Variants in SNTG1 observed in about 807,000 individuals in gnomAD.
SNTG1 encodes the protein syntrophin gamma 1, also known as gamma-1-syntrophin.
In SNTG1, 39 loss-of-function variants were observed where a neutral mutation model predicts 74.7. The ratio of observed to expected loss-of-function variants is 0.52; its 90% CI spans 0.40 to 0.68. SNTG1 has a LOEUF of 0.68. Ranked by LOEUF, SNTG1 falls within the 30% of genes least tolerant of loss-of-function variation. The probability of loss-of-function intolerance (pLI) is 0.00; values close to 1 mark genes in which losing one functional copy is unlikely to be tolerated. For missense variants in SNTG1, 685 were observed against 609.5 expected (o/e 1.12, Z -1.30); for synonymous variants, 254 against 217.1 (o/e 1.17, Z -1.49).
At chr8:50,729,078 A>G (rs2095506837) in intron 17 of SNTG1, among the ~76,000 whole-genome samples, 1 of 152,162 alleles carries the variant, frequency 6.6e-6, no homozygotes, top group African/African-American at 2.4e-5. Flanking sequence ...AGGTCACCAT[A>G]GGGATTGTCC....
intron 17 of SNTG1, among the ~76,000 whole-genome samples, chr8:50,721,398 A>G (rs1445995925): frequency 6.6e-6 from 1 of 152,206 alleles, no homozygotes; most frequent in Non-Finnish European, 1.5e-5. Flanking sequence ...GCCTTACTCA[A>G]ATGAATAGCT....
intron 2 of SNTG1, among the ~76,000 whole-genome samples, chr8:50,197,732 T>G (rs2083831522): frequency 6.6e-6 from 1 of 152,192 alleles, no homozygotes; most frequent in African/African-American, 2.4e-5. Flanking sequence ...AGGTTTCTGA[T>G]GCATCTCGTT....
At chr8:50,777,491 G>T (rs1324661372) in intron 18 of SNTG1, among the ~76,000 whole-genome samples, 2 of 150,470 alleles carry the variant, frequency 1.3e-5, no homozygotes, top group African/African-American at 2.4e-5. Flanking sequence ...TCTTCCTAGG[G>T]TTTCTGTTTC....
At chr8:50,310,670 A>T (rs1316346158) in intron 2 of SNTG1, among the ~76,000 whole-genome samples, 5 of 152,206 alleles carry the variant, frequency 3.3e-5, no homozygotes, top group African/African-American at 1.2e-4. Context: ...CCTGGACAAC[A>T]AGAGTGAAAC....
intron 2 of SNTG1, among the ~76,000 whole-genome samples, chr8:50,215,937 T>A (rs979485697): frequency 7.2e-5 from 11 of 152,184 alleles, no homozygotes; most frequent in Non-Finnish European, 1.5e-4. Context: ...ATAGGCTTAT[T>A]TATGGTAAAA....
intron 1 of SNTG1, among the ~76,000 whole-genome samples, chr8:50,054,544 C>T (rs768546357): frequency 2.0e-5 from 3 of 152,064 alleles, no homozygotes; most frequent in Non-Finnish European, 2.9e-5. Context: ...ATTTTTCATA[C>T]TGTTGCCAAA....
chr8:50,254,950 T>A (rs1019085979), intron 2 of SNTG1, among the ~76,000 whole-genome samples: 127 of 35,190 alleles, frequency 3.6e-3, no homozygotes, highest in Middle Eastern at 0.012. Flanking sequence ...TATTGCCACT[T>A]TTTTTTTTTT....
Position 50,040,321 on chromosome 8 carries a change from T to A in SNTG1, c.-103+128090T>A, listed in dbSNP as rs191439644. Among the ~76,000 whole-genome samples the A allele has an allele frequency of 2.4e-4, 36 of 152,308 alleles. No individual in the cohort carries two copies. In the East Asian group the frequency reaches 6.2e-3, roughly 26 times the overall value. ...ATAAAAATTATATATGTAAAAAAAA[T>A]TTAGAAATAAATGAGACACAGACTT... On this transcript the variant is annotated intron_variant, in intron 1 of 18. Transcript: ENST00000642720.
intron 1 of SNTG1, among the ~76,000 whole-genome samples, chr8:50,070,964 T>C (rs891423259): frequency 8.5e-5 from 13 of 152,142 alleles, no homozygotes; most frequent in African/African-American, 2.9e-4. Flanking sequence ...AGCTGCATGG[T>C]TGTTATTCTT....
chr8:50,212,247 C>G (rs1184626789), intron 2 of SNTG1, among the ~76,000 whole-genome samples: 1 of 152,116 alleles, frequency 6.6e-6, no homozygotes, highest in Admixed American at 6.6e-5. Context: ...CTGGGCAACA[C>G]GTTTCTTTCC....
At chr8:50,177,557 CAG>C (rs1427534200) in intron 2 of SNTG1, among the ~76,000 whole-genome samples, 1 of 152,146 alleles carries the variant, frequency 6.6e-6, no homozygotes, top group Non-Finnish European at 1.5e-5. Context: ...CTGGTTTGCT[CAG>C]AGAGGCTGGT....
At chr8:50,435,776 T>TAATAATAAA (rs2093295534) in intron 4 of SNTG1, among the ~76,000 whole-genome samples, 1 of 152,218 alleles carries the variant, frequency 6.6e-6, no homozygotes, top group Non-Finnish European at 1.5e-5. Context: ...TAATAAAACA[T>TAATAATAAA]TAAGATAAGT....
intron 1 of SNTG1, among the ~76,000 whole-genome samples, chr8:49,962,817 T>C (rs935681532): frequency 1.3e-5 from 2 of 152,208 alleles, no homozygotes; most frequent in African/African-American, 4.8e-5. Context: ...GGTCTTGAAC[T>C]CTTGACCTCA....
At chr8:50,051,984 T>G (rs1819615755) in intron 1 of SNTG1, among the ~76,000 whole-genome samples, 1 of 152,030 alleles carries the variant, frequency 6.6e-6, no homozygotes. Flanking sequence ...TGTTTATACC[T>G]CCAAAACTGA....
chr8:50,435,127 C>T (rs905500237), intron 4 of SNTG1, among the ~76,000 whole-genome samples: 1 of 151,984 alleles, frequency 6.6e-6, no homozygotes, highest in Non-Finnish European at 1.5e-5. Context: ...GTATTTAATA[C>T]AAGGCTTTTT....
intron 12 of SNTG1, among the ~76,000 whole-genome samples, chr8:50,556,935 C>G (rs1261201408): frequency 6.6e-6 from 1 of 152,158 alleles, no homozygotes; most frequent in Non-Finnish European, 1.5e-5. Flanking sequence ...CAGCACATGT[C>G]AGTCACATGC....
At chr8:50,146,864 CT>C (rs577310066) in intron 1 of SNTG1, among the ~76,000 whole-genome samples, 10 of 150,246 alleles carry the variant, frequency 6.7e-5, no homozygotes, top group Admixed American at 1.3e-4. Context: ...ATTTTTTGTT[CT>C]TTTTTTTTCT....
chr8:50,186,965 T>C (rs1020519746), intron 2 of SNTG1, among the ~76,000 whole-genome samples: 2 of 152,142 alleles, frequency 1.3e-5, no homozygotes, highest in Non-Finnish European at 2.9e-5. Context: ...CCCACGCCTA[T>C]TTCCTGAATG....
intron 13 of SNTG1, among the ~76,000 whole-genome samples, chr8:50,598,792 T>A (rs1164726622): frequency 6.6e-6 from 1 of 152,014 alleles, no homozygotes; most frequent in African/African-American, 2.4e-5. Flanking sequence ...GATCTTTCAT[T>A]TTTCTGGCTA....
Sources: gnomAD v4.1 joint callset for allele counts (sites outside exome capture counted in the v4.1 genomes callset) on GRCh38, gnomAD v4.1.1 for gene constraint, MANE v1.5 for transcripts, NCBI Gene and HGNC (gene_info 2026-07-23, HGNC 2026-07-21) for gene names.